Variants in ATIC observed in about 807,000 individuals in gnomAD.
The protein encoded by ATIC is 5-aminoimidazole-4-carboxamide ribonucleotide formyltransferase/IMP cyclohydrolase.
A neutral mutation model predicts 72.5 loss-of-function variants in ATIC; 64 were observed. The ratio of observed to expected loss-of-function variants is 0.88; its 90% CI spans 0.72 to 1.09. ATIC has a LOEUF of 1.09. Among genes scored for constraint, ATIC ranks in the 50% least tolerant of loss-of-function variants. The probability of loss-of-function intolerance (pLI) is 0.00; values close to 1 mark genes in which losing one functional copy is unlikely to be tolerated. For missense variants in ATIC, 787 were observed against 732.4 expected, an observed-to-expected ratio of 1.07 and a Z score of -0.86; for synonymous variants, 281 against 267.1, an observed-to-expected ratio of 1.05 and a Z score of -0.51.
the ATIC span, chr2:215,364,350 A>G: frequency 3.3e-5 from 6 of 184,590 alleles, no homozygotes; most frequent in African/African-American, 1.4e-4. Context: ...CCTGTCCATC[A>G]GAATGGAGTT....
chr2:215,344,865 C>A lies in ATIC; in HGVS notation c.1314C>A (p.Asn438Lys). The stretch of plus-strand genomic sequence containing the variant: ...CTAACTCTGTGTGCTACGCCAAGAA[C>A]GGGCAGGTAAGTGGGCTGTTGGACT... Reference protein sequence around the residue: ...TQSNSVCYAKNGQVIGIGAGQ... With the variant: ...TQSNSVCYAKKGQVIGIGAGQ... The change falls in exon 13 of 16, where the codon AAC (asparagine) becomes AAA (lysine). Residue 438 changes from asparagine to lysine, a missense_variant. By Grantham distance (94) the Asn-to-Lys change is moderately conservative (BLOSUM62 0). Transcript: ENST00000236959. 1 of 1,613,838 alleles carries A rather than the reference C, an allele frequency of 6.2e-7. No homozygotes were observed. Among genetic ancestry groups the A allele is most frequent in the South Asian group, 1.1e-5 (1 of 91,058 alleles).
At chr2:215,335,981 AAG>A (rs1421218475) in intron 10 of ATIC, 52 bp from the exon 11 acceptor site, 1 of 1,387,274 alleles carries the variant, frequency 7.2e-7, no homozygotes, top group South Asian at 1.2e-5. Flanking sequence ...AGATTTTTTT[AAG>A]AGGTGTTCTC....
chr2:215,347,704 T>G, intron 14 of ATIC: 1 of 479,222 alleles, frequency 2.1e-6, no homozygotes, highest in Admixed American at 2.4e-5. Context: ...TTTTTTCAAC[T>G]TTGATACTTG....
At chr2:215,325,942 C>G in intron 5 of ATIC, 45 bp from the exon 6 acceptor site, 1 of 1,604,504 alleles carries the variant, frequency 6.2e-7, no homozygotes, top group Non-Finnish European at 8.5e-7. Context: ...GGTTCATAAG[C>G]TGATAGGGAC....
the ATIC span, chr2:215,364,990 A>T: frequency 6.5e-7 from 1 of 1,539,542 alleles, no homozygotes; most frequent in Non-Finnish European, 8.9e-7. Flanking sequence ...CCTCATCTGC[A>T]TATAGACACA....
rs752104036 is a variant in ATIC, at chr2:215,349,547, G to A, written c.1671G>A (p.Ala557=). 17 of 1,613,936 alleles carry A rather than the reference G, an allele frequency of 1.1e-5. No individual in the cohort carries two copies. The highest frequency in any genetic ancestry group is 4.5e-5 in the East Asian group (2 of 44,890). Residue 557 remains alanine (A), a synonymous_variant, in exon 16 of 16, where the codon GCG becomes GCA. Transcript: ENST00000236959. ...TATACTTCCCCCAGAGTGGTGTGGC[G>A]TACATTGCGGCTCCCTCCGGTTCTG... ...NVDRAKRSGV[A]YIAAPSGSAA... is the part of the protein sequence containing the mutation.
chr2:215,312,539 G>T lies in ATIC; in HGVS notation c.61G>T (p.Ala21Ser). ...TGACAAAACCGGCCTTGTGGAATTTGCAAGAAACCTGACCGCTCTTGGTTT... is the reference window on the plus strand; with the variant it reads ...TGACAAAACCGGCCTTGTGGAATTTTCAAGAAACCTGACCGCTCTTGGTTT... ...VSDKTGLVEF[A>S]RNLTALGLNL... is the part of the protein sequence containing the mutation. The change falls in exon 2 of 16, where the codon GCA (alanine) becomes TCA (serine). Residue 21 changes from alanine to serine, a missense_variant. By Grantham distance (99) the Ala-to-Ser change is moderately conservative. Transcript: ENST00000236959. 4 of 1,614,242 alleles carry T rather than the reference G, an allele frequency of 2.5e-6. No homozygotes were observed. The highest frequency in any genetic ancestry group is 3.4e-6 in the Non-Finnish European group (4 of 1,180,032).
At chr2:215,356,852 T>G in the ATIC span, among the ~76,000 whole-genome samples, 17 of 152,248 alleles carry the variant, frequency 1.1e-4, no homozygotes, top group African/African-American at 2.4e-4. Context: ...GACATTGGGT[T>G]GTTTCCGTGT....
At chr2:215,348,890 G>A (rs1172784149) in intron 14 of ATIC, 2 of 341,316 alleles carry the variant, frequency 5.9e-6, no homozygotes, top group Non-Finnish European at 1.0e-5. Flanking sequence ...CCTGGGAGGT[G>A]GAGGTTGCGG....
intron 12 of ATIC, among the ~76,000 whole-genome samples, chr2:215,342,305 A>G (rs142569858): frequency 0.013 from 2,044 of 152,058 alleles, 40 homozygotes; most frequent in African/African-American, 0.046. Flanking sequence ...AACATTAATA[A>G]TACCTTAGAG....
chr2:215,344,720 C>T (rs980454865), intron 12 of ATIC, 59 bp from the exon 13 acceptor site: 24 of 1,505,540 alleles, frequency 1.6e-5, no homozygotes, highest in Non-Finnish European at 1.9e-5. Flanking sequence ...AAAAAAGAAG[C>T]TTAAAGTTAA....
Position 215,325,311 on chromosome 2 carries a change from G to C in ATIC, c.361G>C (p.Val121Leu). The C allele has an allele frequency of 6.2e-7, 1 of 1,613,498 alleles. No individual in the cohort carries two copies. The part of the protein sequence containing the change: ...ASPGVTVEEA[V>L]EQIDIGGVTL... Reference sequence around the variant, plus strand: ...TCCAGGTGTAACTGTTGAGGAGGCTGTGGAGCAAATTGACATTGGTAAGTC... The same window carrying C: ...TCCAGGTGTAACTGTTGAGGAGGCTCTGGAGCAAATTGACATTGGTAAGTC... The change falls in exon 5 of 16, where the codon GTG (valine) becomes CTG (leucine). Residue 121 changes from valine (V) to leucine (L), a missense_variant. Transcript: ENST00000236959.
chr2:215,342,132 A>G (rs2053026350), intron 12 of ATIC, among the ~76,000 whole-genome samples: 1 of 152,186 alleles, frequency 6.6e-6, no homozygotes, highest in Non-Finnish European at 1.5e-5. Context: ...ATTATAATTC[A>G]GGGTGAGATT....
Position 215,312,080 on chromosome 2 carries a change from T to C in ATIC, c.-63T>C, listed in dbSNP as rs1372228459. 14 of 1,529,460 alleles carry C rather than the reference T, an allele frequency of 9.2e-6. No individual in the cohort carries two copies. The highest frequency in any genetic ancestry group is 2.0e-5 in the Admixed American group (1 of 50,748). The allele number at this position is 1,529,460 out of a possible 1,614,324, so 94.7% of individuals were successfully genotyped here. On this transcript the variant is annotated 5_prime_UTR_variant, in exon 1 of 16. Coordinates refer to ENST00000236959, the MANE Select transcript of ATIC (RefSeq NM_004044.7). Reference sequence around the variant, plus strand: ...AGCCGCCACATCCCGGCAGCCCTCCTACCTGCGCACGTGGTGCCGCCGCTG... The same window carrying C: ...AGCCGCCACATCCCGGCAGCCCTCCCACCTGCGCACGTGGTGCCGCCGCTG...
intron 4 of ATIC, among the ~76,000 whole-genome samples, chr2:215,323,631 T>G (rs189926371): frequency 6.6e-6 from 1 of 152,352 alleles, no homozygotes; most frequent in African/African-American, 2.4e-5. Context: ...TTCTGTATAC[T>G]AGGTGGTATC....
Position 215,318,248 on chromosome 2 carries a change from T to C in ATIC, c.223+15T>C, listed in dbSNP as rs777565849. On this transcript the variant is annotated intron_variant, in intron 3 of 15. Transcript: ENST00000236959. ...AGTCCATGCTGGTAAGTGGTTGGTA[T>C]CTTTAATGTAAAAACAGTCAGTGGT... 6.8e-6 allele frequency: 11 copies of C among 1,607,632 alleles called. No homozygotes were observed. In the East Asian group the frequency reaches 1.1e-4, roughly 16 times the overall value.
chr2:215,319,576 A>T, intron 3 of ATIC, 89 bp from the exon 4 acceptor site: 2 of 972,996 alleles, frequency 2.1e-6, no homozygotes, highest in Non-Finnish European at 3.3e-6. Context: ...AATGGGATTT[A>T]ATTTGATTGA....
chr2:215,344,892 G>A, intron 13 of ATIC, 21 bp downstream of exon 13: 1 of 1,600,710 alleles, frequency 6.2e-7, no homozygotes, highest in South Asian at 1.1e-5. Flanking sequence ...TGTTGGACTC[G>A]CCTTCGGGGG....
rs10175961 is a variant in ATIC at position 215,344,808 on chromosome 2, C to G, written c.1257C>G (p.Ile419Met). ...DLPESALRDLIVATIAVKYTQ... is the reference protein window; with the variant it reads ...DLPESALRDLMVATIAVKYTQ... ...CAGAGTCTGCCCTCCGAGACCTCAT[C>G]GTAGCCACCATTGCTGTCAAGTACA... The change falls in exon 13 of 16, where the codon ATC (isoleucine) becomes ATG (methionine). Residue 419 changes from isoleucine to methionine, a missense_variant. Transcript: ENST00000236959. The G allele has an allele frequency of 6.2e-7, 1 of 1,614,044 alleles. No individual in the cohort carries two copies. Among genetic ancestry groups the G allele is most frequent in the Non-Finnish European group, 8.5e-7 (1 of 1,180,004 alleles).
Sources: gnomAD v4.1 joint callset for allele counts (sites outside exome capture counted in the v4.1 genomes callset) on GRCh38, gnomAD v4.1.1 for gene constraint, MANE v1.5 for transcripts, NCBI Gene and HGNC (gene_info 2026-07-23, HGNC 2026-07-21) for gene names.